The following RGS6 variants were observed in gnomAD, a reference collection of about 807,000 sequenced individuals.
RGS6 encodes the protein regulator of G protein signaling 6.
Under a neutral mutation model 78.5 loss-of-function variants are expected in RGS6, and 30 were observed. That is an observed-to-expected ratio of 0.38 (90% CI 0.29 to 0.52). The LOEUF (loss-of-function observed/expected upper bound fraction) is 0.52, where lower values mean the gene tolerates loss of function less well. RGS6 is among the 20% of genes least tolerant of loss of function. The pLI, the probability that RGS6 is intolerant of heterozygous loss-of-function variation, is 0.85. For synonymous variants in RGS6, 206 were observed against 206.0 expected (o/e 1.00, Z 0.00); for missense variants, 495 against 609.7 (o/e 0.81, Z 1.98).
chr14:71,964,297 A>C (rs886495640), intron 1 of RGS6, among the ~76,000 whole-genome samples: 3 of 152,098 alleles, frequency 2.0e-5, no homozygotes, highest in Non-Finnish European at 2.9e-5. Flanking sequence ...ACCTAACGTC[A>C]GAAGTTTGTG....
chr14:72,348,169 C>CAG (rs76828337), intron 2 of RGS6, among the ~76,000 whole-genome samples: 82,046 of 151,776 alleles, frequency 0.54, 24,435 homozygotes, highest in African/African-American at 0.81. Context: ...ATACGCTACT[C>CAG]AGAAGTTTTG....
At chr14:72,208,145 T>G (rs1328600891) in intron 2 of RGS6, among the ~76,000 whole-genome samples, 1 of 152,210 alleles carries the variant, frequency 6.6e-6, no homozygotes, top group African/African-American at 2.4e-5. Flanking sequence ...AAAACCCGAT[T>G]TGAGCCAGTG....
chr14:72,051,006 GT>G (rs1299032329), intron 2 of RGS6, among the ~76,000 whole-genome samples: 2 of 152,166 alleles, frequency 1.3e-5, no homozygotes, highest in Admixed American at 6.5e-5. Flanking sequence ...AATTTCTGGG[GT>G]TTTTTGTTTG....
the RGS6 span, among the ~76,000 whole-genome samples, chr14:72,582,061 C>T: frequency 2.6e-5 from 4 of 152,170 alleles, no homozygotes; most frequent in Admixed American, 2.0e-4. Flanking sequence ...TTCATGGGAA[C>T]TAATTTGTTT....
intron 2 of RGS6, among the ~76,000 whole-genome samples, chr14:72,259,949 C>G (rs2057838586): frequency 6.8e-6 from 1 of 147,060 alleles, no homozygotes; most frequent in Non-Finnish European, 1.5e-5. Flanking sequence ...GAACGAGAGT[C>G]TCAAATAGCT....
chr14:71,948,883 T>C (rs2091946587), intron 1 of RGS6, among the ~76,000 whole-genome samples: 1 of 151,856 alleles, frequency 6.6e-6, no homozygotes, highest in Non-Finnish European at 1.5e-5. Flanking sequence ...ACACTGTAAC[T>C]TTCTCTTTTT....
At chr14:72,196,354 T>C (rs78862578) in intron 2 of RGS6, among the ~76,000 whole-genome samples, 6,377 of 152,248 alleles carry the variant, frequency 0.042, 281 homozygotes, top group African/African-American at 0.11. Context: ...GGATTTCCCC[T>C]CCTCACTGAT....
the RGS6 span, among the ~76,000 whole-genome samples, chr14:72,580,727 T>C: frequency 6.6e-6 from 1 of 152,216 alleles, no homozygotes; most frequent in South Asian, 2.1e-4. Flanking sequence ...TGGTGTACTA[T>C]GCATATGATC....
chr14:72,466,509 AAACT>A lies in RGS6; in HGVS notation c.459+692_459+695del, dbSNP rs201470997. Reference sequence around the variant, plus strand: ...AATGCACTTTAACAGTTGAATGGTTAAACTAACTGTGGTACATCCATACAATAGA... The same window carrying A: ...AATGCACTTTAACAGTTGAATGGTTAAACTGTGGTACATCCATACAATAGA... On this transcript the variant is annotated intron_variant, in intron 7 of 17. Coordinates refer to ENST00000553525, the MANE Select transcript of RGS6 (RefSeq NM_001204424.2). 6.4e-3 allele frequency among the ~76,000 whole-genome samples: 972 copies of A among 152,366 alleles called. 3 individuals are homozygous for A. The highest frequency in any genetic ancestry group is 0.015 in the African/African-American group (604 of 41,582).
chr14:72,050,242 T>G (rs974793853), intron 2 of RGS6, among the ~76,000 whole-genome samples: 1 of 152,254 alleles, frequency 6.6e-6, no homozygotes, highest in Non-Finnish European at 1.5e-5. Context: ...CAACGGACTA[T>G]ATCTCCTTTA....
At chr14:72,282,980 A>G (rs980951970) in intron 2 of RGS6, among the ~76,000 whole-genome samples, 10 of 151,936 alleles carry the variant, frequency 6.6e-5, no homozygotes, top group African/African-American at 2.2e-4. Context: ...CTCTGCTTCT[A>G]TGGTTTTGAC....
At chr14:72,277,509 A>G (rs2060873071) in intron 2 of RGS6, among the ~76,000 whole-genome samples, 1 of 151,626 alleles carries the variant, frequency 6.6e-6, no homozygotes, top group African/African-American at 2.4e-5. Flanking sequence ...AGGCAGAAGA[A>G]TTGCTTGAAC....
chr14:72,210,008 A>G (rs1227126086), intron 2 of RGS6, among the ~76,000 whole-genome samples: 1 of 152,228 alleles, frequency 6.6e-6, no homozygotes, highest in East Asian at 1.9e-4. Context: ...GCACCCTTTT[A>G]TGGACCAAAC....
chr14:71,929,428 C>T (rs1183587499), upstream of RGS6, among the ~76,000 whole-genome samples: 1 of 152,174 alleles, frequency 6.6e-6, no homozygotes, highest in African/African-American at 2.4e-5. Flanking sequence ...TAAGAAGTGA[C>T]ACTACATTCT....
chr14:72,054,816 A>G (rs2093532422), intron 2 of RGS6, among the ~76,000 whole-genome samples: 1 of 152,144 alleles, frequency 6.6e-6, no homozygotes, highest in Admixed American at 6.5e-5. Context: ...TGTAGCCTTA[A>G]GCAATACATT....
At position 72,014,265 on chromosome 14, in the gene RGS6, A is replaced by T. The variant is rs143185267; in HGVS notation, c.84+49390A>T. Reference sequence around the variant, plus strand: ...TGACTTTAGTTGCTGCTGCTGAATTAAAAAAGTCAGACACACAGTCTAAAT... The same window carrying T: ...TGACTTTAGTTGCTGCTGCTGAATTTAAAAAGTCAGACACACAGTCTAAAT... On this transcript the variant is annotated intron_variant, in intron 2 of 17. Transcript: ENST00000553525. 3.9e-3 allele frequency among the ~76,000 whole-genome samples: 589 copies of T among 152,360 alleles called. 6 individuals are homozygous for T. Among genetic ancestry groups the T allele is most frequent in the South Asian group, 0.033 (160 of 4,834 alleles).
the RGS6 span, among the ~76,000 whole-genome samples, chr14:72,599,575 ATTTTT>A: frequency 9.7e-6 from 1 of 103,260 alleles, no homozygotes. Flanking sequence ...CGCCTGGCTA[ATTTTT>A]TTTTTTTTTT....
chr14:72,423,939 G>GTCT (rs1555392720), intron 3 of RGS6, among the ~76,000 whole-genome samples: 1 of 152,196 alleles, frequency 6.6e-6, no homozygotes, highest in Non-Finnish European at 1.5e-5. Flanking sequence ...TTCTCATCCA[G>GTCT]TCATTCATTC....
At chr14:72,171,151 C>A (rs1359251937) in intron 2 of RGS6, among the ~76,000 whole-genome samples, 2 of 149,918 alleles carry the variant, frequency 1.3e-5, no homozygotes, top group Non-Finnish European at 2.9e-5. Context: ...CATGCACACA[C>A]ATACATGCAC....
Sources: allele counts gnomAD v4.1 joint callset (sites outside exome capture counted in the v4.1 genomes callset), GRCh38; gene constraint gnomAD v4.1.1; transcripts MANE v1.5; gene names NCBI Gene and HGNC (gene_info 2026-07-23, HGNC 2026-07-21).